The following EPM2A variants were observed in gnomAD, a reference collection of about 807,000 sequenced individuals.
The protein encoded by EPM2A is laforin.
A neutral mutation model predicts 26.5 loss-of-function variants in EPM2A; 21 were observed. That is an observed-to-expected ratio of 0.79 (90% confidence interval 0.56 to 1.14). The LOEUF (loss-of-function observed/expected upper bound fraction) is 1.14, where lower values mean the gene tolerates loss of function less well. Ranked by LOEUF, EPM2A falls within the 50% of genes most tolerant of loss-of-function variation. EPM2A has a pLI of 0.00. For synonymous variants in EPM2A, 217 were observed against 177.6 expected (o/e 1.22, Z -1.76); for missense variants, 458 against 440.8 (o/e 1.04, Z -0.35).
chr6:145,502,694 A>G (rs1046236118), intron 2 of EPM2A: 6 of 419,438 alleles, frequency 1.4e-5, no homozygotes, highest in Non-Finnish European at 2.9e-5. Context: ...ACTATTTCCT[A>G]TCATGTAATA....
At chr6:145,654,353 G>A (rs888617206) in intron 2 of EPM2A, among the ~76,000 whole-genome samples, 5 of 151,958 alleles carry the variant, frequency 3.3e-5, no homozygotes, top group African/African-American at 4.8e-5. Context: ...GGCTAATTTT[G>A]TATTTTTAGT....
chr6:145,609,776 G>A (rs1775350705), intron 2 of EPM2A, among the ~76,000 whole-genome samples: 2 of 152,146 alleles, frequency 1.3e-5, no homozygotes, highest in South Asian at 4.2e-4. Flanking sequence ...AGGACTTTTG[G>A]ACTCTCCTCT....
intron 2 of EPM2A, among the ~76,000 whole-genome samples, chr6:145,550,854 T>C (rs1582845477): frequency 6.6e-6 from 1 of 152,170 alleles, no homozygotes; most frequent in African/African-American, 2.4e-5. Flanking sequence ...TATGTGTCCT[T>C]CCTTCCAGTA....
At chr6:145,685,404 T>A (rs1780833499) in intron 2 of EPM2A, among the ~76,000 whole-genome samples, 2 of 151,726 alleles carry the variant, frequency 1.3e-5, no homozygotes, top group Non-Finnish European at 2.9e-5. Context: ...GGGACTGGAG[T>A]GGGGAGAGAG....
At chr6:145,715,359 T>C (rs1562516089) in intron 1 of EPM2A, among the ~76,000 whole-genome samples, 2 of 152,074 alleles carry the variant, frequency 1.3e-5, no homozygotes. Context: ...AGCTTTGAGA[T>C]GTGGGAGGAA....
intron 3 of EPM2A, chr6:145,632,090 T>C (rs995774530): frequency 6.6e-6 from 1 of 152,210 alleles, no homozygotes; most frequent in African/African-American, 2.4e-5. Context: ...TTCATATCAA[T>C]TATCTTATTC....
intron 2 of EPM2A, among the ~76,000 whole-genome samples, chr6:145,590,635 T>C (rs1781261112): frequency 6.6e-6 from 1 of 152,074 alleles, no homozygotes; most frequent in African/African-American, 2.4e-5. Context: ...TAAGGTAAAC[T>C]TCTTAGGGAA....
downstream of EPM2A, among the ~76,000 whole-genome samples, chr6:145,498,231 C>T (rs969848188): frequency 6.6e-6 from 1 of 152,178 alleles, no homozygotes; most frequent in African/African-American, 2.4e-5. Flanking sequence ...TGGGAAGGCA[C>T]AACACTATTG....
intron 4 of EPM2A, among the ~76,000 whole-genome samples, chr6:145,405,371 C>T (rs1233081138): frequency 6.6e-6 from 1 of 152,118 alleles, no homozygotes. Flanking sequence ...CTGCCGGTTA[C>T]GTCATATAAT....
At chr6:145,402,224 T>C (rs1562321384) in intron 4 of EPM2A, among the ~76,000 whole-genome samples, 1 of 152,270 alleles carries the variant, frequency 6.6e-6, no homozygotes, top group East Asian at 1.9e-4. Flanking sequence ...GGACATCATA[T>C]GCCTGATAGA....
intron 4 of EPM2A, among the ~76,000 whole-genome samples, chr6:145,416,183 A>G (rs914486985): frequency 6.6e-6 from 1 of 152,170 alleles, no homozygotes; most frequent in African/African-American, 2.4e-5. Context: ...CTTTCTTTCT[A>G]AATAGAAGCA....
intron 2 of EPM2A, among the ~76,000 whole-genome samples, chr6:145,518,664 G>A (rs988760418): frequency 7.0e-6 from 1 of 143,418 alleles, no homozygotes; most frequent in Non-Finnish European, 1.5e-5. Flanking sequence ...ATCGCTTTTT[G>A]TGACTGGAAT....
chr6:145,735,226 C>T lies in EPM2A; in HGVS notation c.273G>A (p.Arg91=). The T allele has an allele frequency of 6.5e-7, 1 of 1,537,162 alleles. No individual in the cohort carries two copies. Among genetic ancestry groups the T allele is most frequent in the Non-Finnish European group, 8.8e-7 (1 of 1,140,794 alleles). Residue 91 remains arginine, a synonymous_variant, in exon 1 of 4, where the codon CGG becomes CGA. Coordinates refer to ENST00000367519, the MANE Select transcript of EPM2A (RefSeq NM_005670.4). ...VDTFWYKFLK[R]EPGGELSWEG... ...CCCAGGAGAGCTCTCCTCCCGGCTC[C>T]CGCTTCAGGAACTTGTACCAGAACG...
chr6:145,578,625 A>G (rs1430209623), intron 2 of EPM2A, among the ~76,000 whole-genome samples: 11 of 152,190 alleles, frequency 7.2e-5, no homozygotes, highest in Non-Finnish European at 1.5e-5. Context: ...ACTAATACCA[A>G]TCCTACCCAA....
chr6:145,423,718 G>A lies in EPM2A; in HGVS notation c.556-39621C>T, dbSNP rs6899864. Among the ~76,000 whole-genome samples the A allele has an allele frequency of 7.2e-3, 1,102 of 152,300 alleles. 16 individuals carry two copies. Among genetic ancestry groups the A allele is most frequent in the African/African-American group, 0.025 (1,046 of 41,558 alleles). ...ATGGCAATAGACAGCATAGCTAGTG[G>A]TCAGATCTGAGTTGGGGGGTAATCT... On this transcript the variant is annotated intron_variant, in intron 4 of 4. Coordinates refer to the EPM2A transcript ENST00000638717.
chr6:145,625,432 A>G lies in EPM2A; in HGVS notation c.*1984T>C. On this transcript the variant is annotated 3_prime_UTR_variant, in exon 4 of 4. Transcript: ENST00000367519. Reference sequence around the variant, plus strand: ...TAATAGTCCTAAACTGATTTTGTCTATCAGAGCAAAAGGAACAAAGGTAAA... The same window carrying G: ...TAATAGTCCTAAACTGATTTTGTCTGTCAGAGCAAAAGGAACAAAGGTAAA... 2.2e-6 allele frequency: 1 copy of G among 450,246 alleles called. No individual in the cohort carries two copies. The highest frequency in any genetic ancestry group is 4.0e-6 in the Non-Finnish European group (1 of 251,562). The allele number at this position is 450,246 out of a possible 1,614,324, so 27.9% of individuals were successfully genotyped here.
At chr6:145,679,196 G>A (rs1289518279) in intron 2 of EPM2A, among the ~76,000 whole-genome samples, 1 of 151,542 alleles carries the variant, frequency 6.6e-6, no homozygotes, top group Non-Finnish European at 1.5e-5. Context: ...ATTCATAGGT[G>A]GGAATTGCAC....
chr6:145,686,592 A>T (rs1179242038), intron 1 of EPM2A, among the ~76,000 whole-genome samples: 1 of 152,156 alleles, frequency 6.6e-6, no homozygotes, highest in South Asian at 2.1e-4. Flanking sequence ...GCCATTATGA[A>T]TCACTTTGCA....
intron 4 of EPM2A, among the ~76,000 whole-genome samples, chr6:145,467,067 G>A (rs375254235): frequency 8.1e-4 from 123 of 151,996 alleles, no homozygotes; most frequent in East Asian, 7.4e-3. Context: ...TGGGTGCAGC[G>A]CACCAGCATG....
Sources: allele counts gnomAD v4.1 joint callset (sites outside exome capture counted in the v4.1 genomes callset), GRCh38; gene constraint gnomAD v4.1.1; transcripts MANE v1.5; gene names NCBI Gene and HGNC (gene_info 2026-07-23, HGNC 2026-07-21).